The following LHPP variants were observed in gnomAD, a reference collection of about 807,000 sequenced individuals.
The protein encoded by LHPP is phospholysine phosphohistidine inorganic pyrophosphate phosphatase, also known as hLHPP.
Under a neutral mutation model 30.3 loss-of-function variants are expected in LHPP, and 24 were observed. The observed-to-expected ratio is 0.79, with a 90% CI of 0.57 to 1.11. The LOEUF is 1.11. Ranked by LOEUF, LHPP falls within the 50% of genes most tolerant of loss-of-function variation. LHPP has a pLI of 0.00. For missense variants in LHPP, 356 were observed against 367.2 expected, an observed-to-expected ratio of 0.97 and a Z score of 0.25; for synonymous variants, 150 against 157.1, an observed-to-expected ratio of 0.95 and a Z score of 0.34.
intron 6 of LHPP, among the ~76,000 whole-genome samples, chr10:124,607,051 C>G (rs1032072478): frequency 3.3e-5 from 5 of 152,200 alleles, no homozygotes; most frequent in African/African-American, 9.6e-5. Context: ...GGCCGTGTCT[C>G]TCTGTCTGTC....
chr10:124,486,089 T>C (rs143177043), intron 2 of LHPP, among the ~76,000 whole-genome samples: 7 of 152,334 alleles, frequency 4.6e-5, no homozygotes, highest in East Asian at 1.9e-4. Flanking sequence ...TTGGTATTTG[T>C]TTACGGTTTT....
At chr10:124,491,798 G>A (rs1033116977) in intron 3 of LHPP, among the ~76,000 whole-genome samples, 3 of 152,290 alleles carry the variant, frequency 2.0e-5, no homozygotes, top group African/African-American at 7.2e-5. Flanking sequence ...GGTGGTGCGT[G>A]CCTATAGTCC....
intron 5 of LHPP, among the ~76,000 whole-genome samples, chr10:124,506,822 G>GT (rs1277068566): frequency 8.0e-5 from 3 of 37,478 alleles, no homozygotes; most frequent in African/African-American, 2.7e-4. Context: ...TTCAGGTGGG[G>GT]GGGTAGGGAG....
chr10:124,536,180 G>A (rs573535328), intron 6 of LHPP, among the ~76,000 whole-genome samples: 15 of 152,358 alleles, frequency 9.8e-5, no homozygotes, highest in African/African-American at 2.6e-4. Flanking sequence ...CTGGCCCTGC[G>A]GTCCATGGGC....
intron 6 of LHPP, among the ~76,000 whole-genome samples, chr10:124,540,533 C>G (rs912466288): frequency 1.3e-5 from 2 of 152,224 alleles, no homozygotes; most frequent in Admixed American, 1.3e-4. Context: ...GCTCCTGGCC[C>G]CACTGGCCTG....
chr10:124,612,921 C>G (rs1382273008), intron 6 of LHPP: 2 of 320,060 alleles, frequency 6.2e-6, no homozygotes, highest in African/African-American at 4.2e-5. Context: ...GAGCCCAGAG[C>G]AGGGTACACT....
At chr10:124,519,485 G>T (rs1185972150) in intron 6 of LHPP, among the ~76,000 whole-genome samples, 2 of 152,050 alleles carry the variant, frequency 1.3e-5, no homozygotes, top group Non-Finnish European at 2.9e-5. Flanking sequence ...GTGGTGTTTG[G>T]TTACATGCAT....
chr10:124,556,751 T>A (rs1268050871), intron 6 of LHPP, among the ~76,000 whole-genome samples: 1 of 152,212 alleles, frequency 6.6e-6, no homozygotes, highest in Non-Finnish European at 1.5e-5. Context: ...GGGATCTTCT[T>A]TGATTGATAA....
chr10:124,587,646 A>C (rs1357926123), intron 6 of LHPP, among the ~76,000 whole-genome samples: 1 of 148,682 alleles, frequency 6.7e-6, no homozygotes, highest in Non-Finnish European at 1.5e-5. Flanking sequence ...AGGCTGAGGC[A>C]GGAGAATCGC....
intron 6 of LHPP, among the ~76,000 whole-genome samples, chr10:124,560,906 A>T (rs1300049174): frequency 6.6e-6 from 1 of 152,216 alleles, no homozygotes; most frequent in East Asian, 1.9e-4. Flanking sequence ...TTCCAGCAAG[A>T]TGGAGCAGAA....
chr10:124,546,005 ATGCTG>A (rs1955329837), intron 6 of LHPP: 1 of 152,398 alleles, frequency 6.6e-6, no homozygotes, highest in African/African-American at 2.4e-5. Flanking sequence ...GCTCGCTGGG[ATGCTG>A]TCCTCCCTCC....
Position 124,541,439 on chromosome 10 carries a change from G to T in LHPP, c.716+24168G>T, listed in dbSNP as rs920720796. ...GGCCACATGGGATGCAGTTCCTGAG[G>T]TGGCAGAAGAGCCAGCCTCTGCTAG... On this transcript the variant is annotated intron_variant, in intron 6 of 6. Transcript: ENST00000368842. This position sits in a 1 kb window ranked among gnomAD's most constrained non-coding sequence, Gnocchi z 4.2. 2.0e-5 allele frequency among the ~76,000 whole-genome samples: 3 copies of T among 152,202 alleles called. No homozygotes were observed. Among genetic ancestry groups the T allele is most frequent in the African/African-American group, 7.2e-5 (3 of 41,460 alleles).
At chr10:124,609,841 T>C (rs896145703) in intron 6 of LHPP, among the ~76,000 whole-genome samples, 1 of 152,242 alleles carries the variant, frequency 6.6e-6, no homozygotes, top group Non-Finnish European at 1.5e-5. Context: ...ATTGAGCCGT[T>C]GTGGAGTATT....
At chr10:124,551,464 C>CGG (rs937325663) in intron 6 of LHPP, among the ~76,000 whole-genome samples, 1 of 152,088 alleles carries the variant, frequency 6.6e-6, no homozygotes, top group Non-Finnish European at 1.5e-5. Context: ...AGGGTGGGGG[C>CGG]GGGGGGGCAG....
At chr10:124,516,246 G>T (rs944092757) in intron 5 of LHPP, among the ~76,000 whole-genome samples, 1 of 152,246 alleles carries the variant, frequency 6.6e-6, no homozygotes, top group African/African-American at 2.4e-5. Flanking sequence ...CCTTCTTGCA[G>T]TGTCCTCCCA....
Position 124,592,911 on chromosome 10 carries a change from G to A in LHPP, c.717-20353G>A, listed in dbSNP as rs761284583. The stretch of plus-strand genomic sequence containing the variant: ...GGGCACAATCGGCCCAGTGTGGGGC[G>A]CACCGCCCCAGGCAGGCTGGCGTCC... On this transcript the variant is annotated intron_variant, in intron 6 of 6. Transcript: ENST00000368842. The surrounding 1 kb of genome is among the most constrained non-coding windows in gnomAD (Gnocchi z 6.2). Among the ~76,000 whole-genome samples the A allele has an allele frequency of 1.6e-4, 25 of 152,364 alleles. No individual in the cohort carries two copies. Among genetic ancestry groups the A allele is most frequent in the African/African-American group, 5.3e-4 (22 of 41,596 alleles).
intron 6 of LHPP, among the ~76,000 whole-genome samples, chr10:124,548,039 T>G (rs1955396098): frequency 1.3e-5 from 2 of 152,210 alleles, no homozygotes; most frequent in African/African-American, 4.8e-5. Flanking sequence ...TTCCGAGTTC[T>G]CCGGTCAGCA....
intron 6 of LHPP, among the ~76,000 whole-genome samples, chr10:124,551,258 G>A (rs1339149714): frequency 1.3e-5 from 2 of 152,160 alleles, no homozygotes; most frequent in African/African-American, 2.4e-5. Flanking sequence ...AGAGAGGCCC[G>A]ATCCCATCCC....
intron 6 of LHPP, among the ~76,000 whole-genome samples, chr10:124,584,690 C>A (rs1948780733): frequency 6.6e-6 from 1 of 152,156 alleles, no homozygotes; most frequent in Non-Finnish European, 1.5e-5. Flanking sequence ...TCTGGGGGGA[C>A]ATTCAGACCG....
Sources: allele counts gnomAD v4.1 joint callset (sites outside exome capture counted in the v4.1 genomes callset), GRCh38; gene constraint gnomAD v4.1.1; non-coding constraint Gnocchi (gnomAD v3.1); transcripts MANE v1.5; gene names NCBI Gene and HGNC (gene_info 2026-07-23, HGNC 2026-07-21).